MYRIP: variants seen among roughly 807,000 people sequenced by gnomAD.
The protein encoded by MYRIP is myosin VIIA and Rab interacting protein.
A neutral mutation model predicts 98.0 loss-of-function variants in MYRIP; 49 were observed. The observed-to-expected ratio is 0.50, with a 90% confidence interval of 0.40 to 0.63. The LOEUF is 0.63. Among genes scored for constraint, MYRIP ranks in the 30% least tolerant of loss-of-function variants. The probability of loss-of-function intolerance (pLI) is 0.00; values close to 1 mark genes in which losing one functional copy is unlikely to be tolerated. For missense variants in MYRIP, 1,004 were observed against 1,058.2 expected, an observed-to-expected ratio of 0.95 and a Z score of 0.71; for synonymous variants, 404 against 409.5, an observed-to-expected ratio of 0.99 and a Z score of 0.16.
chr3:40,059,597 T>G (rs927019676), intron 3 of MYRIP, among the ~76,000 whole-genome samples: 4 of 152,206 alleles, frequency 2.6e-5, no homozygotes, highest in African/African-American at 9.7e-5. Context: ...TTTCTTTGAT[T>G]GGTGATCTGT....
At position 40,253,461 on chromosome 3, in the gene MYRIP, G is replaced by A. The variant is rs543794693; in HGVS notation, c.2547+1462G>A. On this transcript the variant is annotated intron_variant, in intron 16 of 16. Transcript: ENST00000302541. ...AACAAATAAGACGAGAAAACCCTAT[G>A]GAGCTTTAATTCATTAATGCAAATA... is the stretch of plus-strand genomic sequence containing the variant. 2.0e-5 allele frequency among the ~76,000 whole-genome samples: 3 copies of A among 152,230 alleles called. No homozygotes were observed. The East Asian group carries it at 5.8e-4, about 29-fold the overall frequency.
intron 2 of MYRIP, among the ~76,000 whole-genome samples, chr3:39,948,083 G>A (rs1165110550): frequency 1.3e-5 from 2 of 152,116 alleles, no homozygotes; most frequent in East Asian, 3.9e-4. Flanking sequence ...TCAATGTAAT[G>A]GATGACTTTT....
At chr3:39,989,876 C>T (rs1208198408) in intron 2 of MYRIP, among the ~76,000 whole-genome samples, 5 of 152,216 alleles carry the variant, frequency 3.3e-5, no homozygotes, top group African/African-American at 1.2e-4. Context: ...AGGGGAAAAG[C>T]CTGGCCTGGA....
intron 2 of MYRIP, among the ~76,000 whole-genome samples, chr3:39,912,221 C>T (rs971991352): frequency 1.3e-5 from 2 of 152,144 alleles, no homozygotes; most frequent in Non-Finnish European, 2.9e-5. Context: ...ATTCTTATAC[C>T]TCAGGCTGGA....
chr3:39,893,715 C>T (rs1943542247), intron 1 of MYRIP, among the ~76,000 whole-genome samples: 1 of 151,454 alleles, frequency 6.6e-6, no homozygotes, highest in African/African-American at 2.4e-5. Flanking sequence ...CACGCATGCA[C>T]ACATACATTG....
At chr3:39,841,876 G>A (rs943274040) in intron 1 of MYRIP, among the ~76,000 whole-genome samples, 11 of 152,192 alleles carry the variant, frequency 7.2e-5, no homozygotes, top group African/African-American at 9.6e-5. Context: ...GAGCTCTGCT[G>A]TATAAGGTGT....
At chr3:39,959,537 CA>C (rs1436338120) in intron 2 of MYRIP, among the ~76,000 whole-genome samples, 5 of 151,720 alleles carry the variant, frequency 3.3e-5, no homozygotes, top group South Asian at 4.2e-4. Context: ...GTAGGGGGAG[CA>C]GGGAGGGATG....
At chr3:40,035,920 A>G (rs1947371647) in intron 2 of MYRIP, among the ~76,000 whole-genome samples, 1 of 151,972 alleles carries the variant, frequency 6.6e-6, no homozygotes, top group Non-Finnish European at 1.5e-5. Context: ...AGATGAACAA[A>G]GAATTATTAA....
At chr3:40,073,153 G>C (rs59284558) in intron 3 of MYRIP, among the ~76,000 whole-genome samples, 2,470 of 152,276 alleles carry the variant, frequency 0.016, 53 homozygotes, top group African/African-American at 0.054. Flanking sequence ...ACAACTACAT[G>C]AGTTGGTAGG....
At chr3:40,025,409 G>A (rs1207828146) in intron 2 of MYRIP, among the ~76,000 whole-genome samples, 2 of 151,920 alleles carry the variant, frequency 1.3e-5, no homozygotes, top group African/African-American at 4.8e-5. Context: ...CTGTCTGAAA[G>A]TACCTAATGG....
At position 40,044,147 on chromosome 3, in the gene MYRIP, C is replaced by T. The variant is rs1947615187; in HGVS notation, c.208C>T (p.Pro70Ser). The T allele has an allele frequency of 3.1e-6, 5 of 1,614,176 alleles. No individual in the cohort carries two copies. The highest frequency in any genetic ancestry group is 4.2e-6 in the Non-Finnish European group (5 of 1,180,014). ...VEHCCMRCCS[P>S]FTFLVNTKRQ... is the part of the protein sequence containing the mutation. ...GCACTGCTGCATGCGCTGCTGCTCGCCCTTCACCTTCCTCGTCAACACCAA... is the reference window on the plus strand; with the variant it reads ...GCACTGCTGCATGCGCTGCTGCTCGTCCTTCACCTTCCTCGTCAACACCAA... The change falls in exon 3 of 17, where the codon CCC becomes TCC. Residue 70 changes from proline to serine, a missense_variant. By Grantham distance (74) the Pro-to-Ser change is moderately conservative. Transcript: ENST00000302541.
At chr3:40,008,032 A>T (rs1425576717) in intron 2 of MYRIP, among the ~76,000 whole-genome samples, 1 of 152,210 alleles carries the variant, frequency 6.6e-6, no homozygotes, top group Non-Finnish European at 1.5e-5. Context: ...ACCATCACAC[A>T]GATTATCTAA....
chr3:39,969,007 G>A (rs1945510236), intron 2 of MYRIP, among the ~76,000 whole-genome samples: 1 of 152,056 alleles, frequency 6.6e-6, no homozygotes, highest in East Asian at 1.9e-4. Context: ...TCTTTGAGAA[G>A]TGTTTTATAA....
intron 2 of MYRIP, among the ~76,000 whole-genome samples, chr3:39,974,785 C>T (rs1050159434): frequency 4.6e-5 from 7 of 152,096 alleles, no homozygotes; most frequent in African/African-American, 1.7e-4. Context: ...ATAAACAGAA[C>T]CAATGATAAA....
At chr3:39,964,888 G>T (rs1945404062) in intron 2 of MYRIP, among the ~76,000 whole-genome samples, 1 of 151,950 alleles carries the variant, frequency 6.6e-6, no homozygotes, top group Non-Finnish European at 1.5e-5. Flanking sequence ...GAGAATCAAT[G>T]GAAGTATAAA....
At chr3:40,116,843 C>T (rs764472270) in intron 3 of MYRIP, among the ~76,000 whole-genome samples, 1 of 152,232 alleles carries the variant, frequency 6.6e-6, no homozygotes, top group African/African-American at 2.4e-5. Flanking sequence ...AAGCATTTCT[C>T]TACAATCTCA....
At chr3:40,218,224 A>T (rs1250091037) in intron 11 of MYRIP, among the ~76,000 whole-genome samples, 1 of 151,934 alleles carries the variant, frequency 6.6e-6, no homozygotes, top group African/African-American at 2.4e-5. Flanking sequence ...AAACAACACA[A>T]TTGTCCACCA....
chr3:40,219,744 T>A (rs191899611), intron 11 of MYRIP, among the ~76,000 whole-genome samples: 8 of 152,274 alleles, frequency 5.3e-5, no homozygotes, highest in Admixed American at 4.6e-4. Context: ...TTTTTGGACA[T>A]TTGGCTTGGT....
chr3:40,241,602 C>G (rs1953016675), intron 12 of MYRIP, among the ~76,000 whole-genome samples: 1 of 152,288 alleles, frequency 6.6e-6, no homozygotes, highest in Admixed American at 6.5e-5. Context: ...GTAAAGAAAT[C>G]TGTTTAACAC....
Sources: gnomAD v4.1 joint callset for allele counts (sites outside exome capture counted in the v4.1 genomes callset) on GRCh38, gnomAD v4.1.1 for gene constraint, MANE v1.5 for transcripts, NCBI Gene and HGNC (gene_info 2026-07-23, HGNC 2026-07-21) for gene names.